The following TNRC6C variants were observed in gnomAD, a reference collection of about 807,000 sequenced individuals.
TNRC6C encodes trinucleotide repeat-containing gene 6C protein.
Under a neutral mutation model 153.7 loss-of-function variants are expected in TNRC6C, and 20 were observed. The ratio of observed to expected loss-of-function variants is 0.13; its 90% CI spans 0.09 to 0.19. The LOEUF (loss-of-function observed/expected upper bound fraction) is 0.19, where lower values mean the gene tolerates loss of function less well. TNRC6C is among the 10% of genes least tolerant of loss of function. TNRC6C has a pLI of 1.00. For missense variants in TNRC6C, 1,987 were observed against 2,172.0 expected (o/e 0.91, Z 1.69); for synonymous variants, 811 against 841.4 (o/e 0.96, Z 0.63).
At chr17:77,958,823 C>G (rs922896251), upstream of TNRC6C, among the ~76,000 whole-genome samples, 1 of 146,782 alleles carries the variant, frequency 6.8e-6, no homozygotes, top group Non-Finnish European at 1.5e-5. Flanking sequence ...CGGGCCGCCC[C>G]CTGACAGGGC....
chr17:78,028,939 A>C (rs1046496175), intron 1 of TNRC6C, among the ~76,000 whole-genome samples: 2 of 152,196 alleles, frequency 1.3e-5, no homozygotes, highest in Non-Finnish European at 2.9e-5. Flanking sequence ...TGCACTTTAC[A>C]TGTCGGCGTG....
At chr17:78,005,722 C>T (rs887145708) in intron 1 of TNRC6C, among the ~76,000 whole-genome samples, 21 of 152,286 alleles carry the variant, frequency 1.4e-4, no homozygotes, top group African/African-American at 4.8e-4. Context: ...GTCACATAAA[C>T]TAGCTCTGTT....
chr17:78,053,110 G>T (rs1224972424), intron 3 of TNRC6C, among the ~76,000 whole-genome samples: 1 of 152,144 alleles, frequency 6.6e-6, no homozygotes, highest in Non-Finnish European at 1.5e-5. Context: ...ACCCCTGACG[G>T]TTCCCAACAC....
intron 1 of TNRC6C, among the ~76,000 whole-genome samples, chr17:77,981,577 C>G (rs1265396620): frequency 6.6e-6 from 1 of 152,124 alleles, no homozygotes; most frequent in Non-Finnish European, 1.5e-5. Flanking sequence ...TTTAAATGTC[C>G]TCAGGTCTTT....
intron 17 of TNRC6C, among the ~76,000 whole-genome samples, chr17:78,102,190 A>G (rs1267040483): frequency 1.3e-5 from 2 of 151,732 alleles, no homozygotes; most frequent in East Asian, 3.9e-4. Flanking sequence ...GGGCCTCATC[A>G]CCCCCGTCTC....
At chr17:78,060,093 TCAAA>T (rs1384280006) in intron 3 of TNRC6C, among the ~76,000 whole-genome samples, 3 of 152,214 alleles carry the variant, frequency 2.0e-5, no homozygotes, top group Admixed American at 2.0e-4. Flanking sequence ...TCTGTAACCC[TCAAA>T]CAGAGTCCCC....
chr17:78,074,105 C>T (rs764464585), intron 7 of TNRC6C, among the ~76,000 whole-genome samples: 7 of 152,194 alleles, frequency 4.6e-5, no homozygotes, highest in East Asian at 1.9e-4. Flanking sequence ...CTCTGTAAGG[C>T]GCTTTACTGC....
intron 13 of TNRC6C, among the ~76,000 whole-genome samples, chr17:78,089,169 T>A (rs1335857498): frequency 6.6e-6 from 1 of 151,962 alleles, no homozygotes; most frequent in Non-Finnish European, 1.5e-5. Flanking sequence ...GGTTTCACCA[T>A]GTTGGCCAGG....
chr17:78,086,691 A>G (rs2073297718), intron 12 of TNRC6C, 105 bp downstream of exon 14: 3 of 1,559,818 alleles, frequency 1.9e-6, no homozygotes, highest in African/African-American at 2.7e-5. Context: ...TCTCTAGCCA[A>G]GCCTTCCTTT....
At chr17:78,106,316 A>G (rs2073693526) in exon 20 of TNRC6C, 1 of 151,934 alleles carries the variant, frequency 6.6e-6, no homozygotes, top group Non-Finnish European at 1.5e-5. Flanking sequence ...GCGTTCCTTC[A>G]GAGCTCTGGG....
At chr17:78,050,846 G>A in exon 3 of TNRC6C, 1 of 1,614,000 alleles carries the variant, frequency 6.2e-7, no homozygotes, top group Non-Finnish European at 8.5e-7. Flanking sequence ...TGGAGTGCAG[G>A]AGGGGGAGAT....
At chr17:77,961,771 G>C (rs1211985147) in intron 1 of TNRC6C, among the ~76,000 whole-genome samples, 1 of 152,146 alleles carries the variant, frequency 6.6e-6, no homozygotes. Flanking sequence ...GGAATGAACT[G>C]TTTCGTTTGA....
chr17:78,073,420 C>T (rs1225734118), intron 7 of TNRC6C, among the ~76,000 whole-genome samples: 1 of 152,228 alleles, frequency 6.6e-6, no homozygotes, highest in East Asian at 1.9e-4. Flanking sequence ...TGAGTGCGTT[C>T]CTCGTGCCTT....
chr17:78,098,949 A>G (rs568012791), intron 17 of TNRC6C, among the ~76,000 whole-genome samples: 2 of 152,232 alleles, frequency 1.3e-5, no homozygotes. Flanking sequence ...TTGCTTCTCC[A>G]CAAGATGTCA....
At chr17:77,978,040 C>T (rs915872083) in intron 1 of TNRC6C, among the ~76,000 whole-genome samples, 1 of 151,768 alleles carries the variant, frequency 6.6e-6, no homozygotes, top group African/African-American at 2.4e-5. Context: ...GGACTACAGG[C>T]GCCCGCCACC....
intron 2 of TNRC6C, among the ~76,000 whole-genome samples, chr17:78,046,936 C>A (rs1321063602): frequency 6.6e-6 from 1 of 152,134 alleles, no homozygotes; most frequent in African/African-American, 2.4e-5. Flanking sequence ...AAGGGCAGAT[C>A]ATTTTACAGT....
intron 1 of TNRC6C, among the ~76,000 whole-genome samples, chr17:77,967,224 G>T (rs947869602): frequency 1.3e-5 from 2 of 152,104 alleles, no homozygotes; most frequent in Non-Finnish European, 2.9e-5. Context: ...TTTCCTTGCA[G>T]ATTAATGCTT....
chr17:77,996,612 A>G (rs16970730), intron 1 of TNRC6C, among the ~76,000 whole-genome samples: 9,611 of 152,216 alleles, frequency 0.063, 754 homozygotes, highest in African/African-American at 0.19. Flanking sequence ...CTTATTCCTG[A>G]ACTCAAGAGG....
At chr17:77,961,161 T>C (rs1464129344) in intron 1 of TNRC6C, among the ~76,000 whole-genome samples, 1 of 151,506 alleles carries the variant, frequency 6.6e-6, no homozygotes, top group Non-Finnish European at 1.5e-5. Flanking sequence ...GTTTTACTTT[T>C]TTTTTTTTTT....
Sources: gnomAD v4.1 joint callset for allele counts (sites outside exome capture counted in the v4.1 genomes callset) on GRCh38, gnomAD v4.1.1 for gene constraint, MANE v1.5 for transcripts, NCBI Gene and HGNC (gene_info 2026-07-23, HGNC 2026-07-21) for gene names.